Variants in SNTG1 observed in about 807,000 individuals in gnomAD.
SNTG1 encodes syntrophin gamma 1.
A neutral mutation model predicts 74.7 loss-of-function variants in SNTG1; 39 were observed. The observed-to-expected ratio is 0.52, with a 90% CI of 0.40 to 0.68. SNTG1 has a LOEUF of 0.68. SNTG1 is among the 30% of genes least tolerant of loss of function. SNTG1 has a pLI of 0.00. For missense variants in SNTG1, 685 were observed against 609.5 expected, an observed-to-expected ratio of 1.12 and a Z score of -1.30; for synonymous variants, 254 against 217.1, an observed-to-expected ratio of 1.17 and a Z score of -1.49.
At chr8:50,213,476 C>A (rs955295536) in intron 2 of SNTG1, among the ~76,000 whole-genome samples, 1 of 152,090 alleles carries the variant, frequency 6.6e-6, no homozygotes, top group Non-Finnish European at 1.5e-5. Flanking sequence ...TGAAAATAAA[C>A]TATTTTGTCA....
intron 2 of SNTG1, among the ~76,000 whole-genome samples, chr8:50,221,204 G>T (rs1225432623): frequency 1.3e-5 from 2 of 151,938 alleles, no homozygotes; most frequent in Non-Finnish European, 2.9e-5. Flanking sequence ...TACACAATAT[G>T]GTAATATAGA....
In SNTG1 at chr8:50,120,339, G is replaced by A. The variant is rs1191211664; in HGVS notation, c.-102-52222G>A. 2.9e-5 allele frequency among the ~76,000 whole-genome samples: 4 copies of A among 138,796 alleles called. 2 individuals are homozygous for A. The highest frequency in any genetic ancestry group is 6.4e-5 in the Non-Finnish European group (4 of 62,738). 91.1% of individuals were successfully genotyped at this position (138,796 alleles called of 152,430 possible). A position where few individuals can be genotyped will look rare whatever the true frequency, so the allele number is the denominator to read the frequency against. ...CTACTGAAACTACCAGTGTTACTAC[G>A]ATCACGACTACTGCCACTAATACTA... is the stretch of plus-strand genomic sequence containing the variant. On this transcript the variant is annotated intron_variant, in intron 1 of 18. Coordinates refer to ENST00000642720, the MANE Select transcript of SNTG1 (RefSeq NM_018967.5).
At chr8:50,687,790 C>T (rs1192518438) in intron 15 of SNTG1, among the ~76,000 whole-genome samples, 2 of 151,954 alleles carry the variant, frequency 1.3e-5, no homozygotes, top group African/African-American at 4.8e-5. Context: ...TCTCATTGTT[C>T]AATTCCCACC....
Position 50,523,593 on chromosome 8 carries a change from C to T in SNTG1, c.467-6584C>T, listed in dbSNP as rs186126949. 3.2e-3 allele frequency among the ~76,000 whole-genome samples: 481 copies of T among 152,284 alleles called. 1 individual carries two copies. The highest frequency in any genetic ancestry group is 5.9e-3 in the Admixed American group (90 of 15,280). ...GCTAGTCAGTTGAGCTGTCAGAACA[C>T]ATACAACATTTATTCATTAAGTTCC... On this transcript the variant is annotated intron_variant, in intron 9 of 18. Coordinates refer to ENST00000642720, the MANE Select transcript of SNTG1 (RefSeq NM_018967.5).
At chr8:50,609,901 A>G (rs2094838293) in intron 13 of SNTG1, among the ~76,000 whole-genome samples, 1 of 152,052 alleles carries the variant, frequency 6.6e-6, no homozygotes, top group Non-Finnish European at 1.5e-5. Flanking sequence ...ATAATAAATT[A>G]TTTGAACATA....
At chr8:50,022,290 G>C (rs941576661) in intron 1 of SNTG1, among the ~76,000 whole-genome samples, 2 of 152,152 alleles carry the variant, frequency 1.3e-5, no homozygotes, top group African/African-American at 4.8e-5. Flanking sequence ...ATAGATATTT[G>C]TGCAAAATGC....
At chr8:50,310,988 T>C (rs780720119) in intron 2 of SNTG1, among the ~76,000 whole-genome samples, 8 of 152,212 alleles carry the variant, frequency 5.3e-5, no homozygotes, top group Non-Finnish European at 1.0e-4. Context: ...GAAAATTTTA[T>C]TTCAAGATCA....
chr8:50,669,063 T>C (rs2095265031), intron 15 of SNTG1, among the ~76,000 whole-genome samples: 1 of 151,866 alleles, frequency 6.6e-6, no homozygotes, highest in Non-Finnish European at 1.5e-5. Context: ...TTTATAGCAA[T>C]AAATGCCCAC....
intron 18 of SNTG1, among the ~76,000 whole-genome samples, chr8:50,775,186 G>A (rs4517135): frequency 0.44 from 65,840 of 151,092 alleles, 16,557 homozygotes; most frequent in African/African-American, 0.7. Flanking sequence ...TTAACATAAT[G>A]CATTTCCTTA....
chr8:50,465,098 AT>A (rs1327778062), intron 8 of SNTG1, among the ~76,000 whole-genome samples: 3 of 152,156 alleles, frequency 2.0e-5, no homozygotes, highest in Non-Finnish European at 4.4e-5. Flanking sequence ...ACACATTTCT[AT>A]ATGTAACTAA....
At chr8:50,407,086 T>C (rs2092886321) in intron 4 of SNTG1, among the ~76,000 whole-genome samples, 1 of 152,204 alleles carries the variant, frequency 6.6e-6, no homozygotes, top group Non-Finnish European at 1.5e-5. Context: ...CAGTGCACTG[T>C]TTGTGTTGTA....
At chr8:50,146,603 C>CTTA (rs1410226564) in intron 1 of SNTG1, among the ~76,000 whole-genome samples, 2 of 152,116 alleles carry the variant, frequency 1.3e-5, no homozygotes, top group African/African-American at 4.8e-5. Flanking sequence ...GGCAGGCTTA[C>CTTA]TTATCTAAAA....
At chr8:50,071,145 G>C (rs1368510866) in intron 1 of SNTG1, among the ~76,000 whole-genome samples, 1 of 152,112 alleles carries the variant, frequency 6.6e-6, no homozygotes, top group Non-Finnish European at 1.5e-5. Context: ...CAACTCCTAA[G>C]GGAAGAATAC....
Position 50,590,889 on chromosome 8 carries a change from T to A in SNTG1, c.821T>A (p.Ile274Asn). 6.4e-7 allele frequency: 1 copy of A among 1,570,652 alleles called. No homozygotes were observed. The highest frequency in any genetic ancestry group is 8.7e-7 in the Non-Finnish European group (1 of 1,154,206). Reference protein sequence around the residue: ...SNLTKHNIKKINRNFPVNQQI... With the variant: ...SNLTKHNIKKNNRNFPVNQQI... ...TATTTATCATTGCAGATTAAAAAAA[T>A]CAACAGAAACTTTCCTGTAAACCAG... is the stretch of plus-strand genomic sequence containing the variant. Residue 274 changes from isoleucine (I) to asparagine (N), a missense_variant, in exon 13 of 19, where the codon ATC becomes AAC. Transcript: ENST00000642720.
At chr8:50,077,915 G>T (rs1448002180) in intron 1 of SNTG1, among the ~76,000 whole-genome samples, 1 of 152,108 alleles carries the variant, frequency 6.6e-6, no homozygotes, top group African/African-American at 2.4e-5. Context: ...AATTGAGTTG[G>T]TATTTTTATG....
intron 1 of SNTG1, among the ~76,000 whole-genome samples, chr8:49,968,928 A>G (rs1811391023): frequency 6.6e-6 from 1 of 152,176 alleles, no homozygotes; most frequent in Non-Finnish European, 1.5e-5. Context: ...AGAATAATAT[A>G]TTTCAGGCTG....
chr8:50,575,525 G>A (rs1334873443), intron 12 of SNTG1: 2 of 152,202 alleles, frequency 1.3e-5, no homozygotes, highest in African/African-American at 4.8e-5. Flanking sequence ...CCATACCAAA[G>A]TAGCAAGCCC....
chr8:50,692,238 T>C (rs557859202), intron 15 of SNTG1, among the ~76,000 whole-genome samples: 35 of 152,336 alleles, frequency 2.3e-4, no homozygotes, highest in Middle Eastern at 3.4e-3. Flanking sequence ...TGAAGCCTTC[T>C]TCTCTCAACT....
At chr8:49,964,750 C>A (rs1168792365) in intron 1 of SNTG1, among the ~76,000 whole-genome samples, 1 of 152,130 alleles carries the variant, frequency 6.6e-6, no homozygotes, top group Non-Finnish European at 1.5e-5. Flanking sequence ...TTTTAGCCAA[C>A]ATTTTGATAT....
Sources: gnomAD v4.1 joint callset for allele counts (sites outside exome capture counted in the v4.1 genomes callset) on GRCh38, gnomAD v4.1.1 for gene constraint, MANE v1.5 for transcripts, NCBI Gene and HGNC (gene_info 2026-07-23, HGNC 2026-07-21) for gene names.